The following UACA variants were observed in gnomAD, a reference collection of about 807,000 sequenced individuals.
The protein encoded by UACA is nuclear membrane binding protein.
A neutral mutation model predicts 160.5 loss-of-function variants in UACA; 112 were observed. The ratio of observed to expected loss-of-function variants is 0.70; its 90% CI spans 0.60 to 0.82. The LOEUF is 0.82. Ranked by LOEUF, UACA falls within the 40% of genes least tolerant of loss-of-function variation. UACA has a pLI of 0.00. For synonymous variants in UACA, 557 were observed against 568.4 expected, an observed-to-expected ratio of 0.98 and a Z score of 0.29; for missense variants, 1,574 against 1,614.6, an observed-to-expected ratio of 0.97 and a Z score of 0.43.
Position 70,664,812 on chromosome 15 carries a change from T to C in UACA, c.3963A>G (p.Ile1321Met). The change falls in exon 17 of 19, where the codon ATA (isoleucine) becomes ATG (methionine). Residue 1321 changes from isoleucine (I) to methionine (M), a missense_variant and splice_region_variant. Transcript: ENST00000322954. ...TTTCCACATCATTAAGCAGTTCAGT[T>C]ATCTTTAAAAAAATGTTGTAGGAGA... ...AKQIEAKDNK[I>M]TELLNDVERL... 6.2e-7 allele frequency: 1 copy of C among 1,608,744 alleles called. No homozygotes were observed. Among genetic ancestry groups the C allele is most frequent in the Non-Finnish European group, 8.5e-7 (1 of 1,178,134 alleles).
intron 1 of UACA, among the ~76,000 whole-genome samples, chr15:70,738,536 T>TG (rs1192643862): frequency 6.6e-6 from 1 of 152,150 alleles, no homozygotes. Context: ...CACCCATACA[T>TG]GATCCAGACC....
the UACA span, among the ~76,000 whole-genome samples, chr15:70,772,078 A>G: frequency 6.6e-6 from 1 of 152,220 alleles, no homozygotes; most frequent in South Asian, 2.1e-4. Context: ...GAGATAACTG[A>G]TCATAAACGA....
At chr15:70,708,498 T>C (rs573304188) in intron 1 of UACA, among the ~76,000 whole-genome samples, 3 of 151,846 alleles carry the variant, frequency 2.0e-5, no homozygotes, top group Non-Finnish European at 4.4e-5. Context: ...GTTTGTTCTG[T>C]CACCCAGGCT....
intron 1 of UACA, among the ~76,000 whole-genome samples, chr15:70,725,256 T>C (rs935800942): frequency 2.6e-5 from 4 of 152,186 alleles, no homozygotes; most frequent in Non-Finnish European, 5.9e-5. Flanking sequence ...AAAATAGAGT[T>C]TAAAATATAG....
intron 8 of UACA, 110 bp downstream of exon 8, chr15:70,684,155 T>A: frequency 1.1e-6 from 1 of 899,158 alleles, no homozygotes; most frequent in Non-Finnish European, 1.7e-6. Flanking sequence ...ATACTGTTTA[T>A]CAGTAAGGAA....
At chr15:70,696,134 T>C (rs1282184206) in intron 2 of UACA, among the ~76,000 whole-genome samples, 1 of 152,198 alleles carries the variant, frequency 6.6e-6, no homozygotes, top group Non-Finnish European at 1.5e-5. Context: ...TACACTCTTG[T>C]AGCCCACTCT....
Position 70,721,190 on chromosome 15 carries a change from C to T in UACA, c.79-21530G>A, listed in dbSNP as rs116805597. On this transcript the variant is annotated intron_variant, in intron 1 of 18. Transcript: ENST00000322954. ...ATATAGTGTGAGATGCCTTAGGTGG[C>T]AAAATGAGTACAGTTAGTGAGGTAA... Among the ~76,000 whole-genome samples the T allele has an allele frequency of 5.5e-3, 841 of 152,242 alleles. 8 individuals carry two copies. Among genetic ancestry groups the T allele is most frequent in the African/African-American group, 0.019 (799 of 41,536 alleles).
Position 70,667,506 on chromosome 15 carries a change from C to T in UACA, c.3178G>A (p.Ala1060Thr), listed in dbSNP as rs1255352641. ...LIEKSHEMER[A>T]LSRKTDELNK... is the part of the protein sequence containing the mutation. ...AGCTCGTCTGTTTTTCTGCTTAATG[C>T]TCTTTCCATTTCATGAGACTTCTCA... The change falls in exon 16 of 19, where the codon GCA becomes ACA. Residue 1060 changes from alanine to threonine, a missense_variant. Coordinates refer to ENST00000322954, the MANE Select transcript of UACA (RefSeq NM_018003.4). 2 of 1,612,454 alleles carry T rather than the reference C, an allele frequency of 1.2e-6. No individual in the cohort carries two copies. Among genetic ancestry groups the T allele is most frequent in the Admixed American group, 1.7e-5 (1 of 59,862 alleles).
intron 1 of UACA, among the ~76,000 whole-genome samples, chr15:70,717,827 G>T (rs1413693596): frequency 6.6e-6 from 1 of 152,082 alleles, no homozygotes; most frequent in African/African-American, 2.4e-5. Flanking sequence ...TCTATAATCA[G>T]TTGAGATTAC....
chr15:70,721,750 T>A (rs1370059661), intron 1 of UACA, among the ~76,000 whole-genome samples: 1 of 152,118 alleles, frequency 6.6e-6, no homozygotes, highest in Non-Finnish European at 1.5e-5. Flanking sequence ...AAAAGAAACT[T>A]AGAGTAAGTT....
intron 16 of UACA, among the ~76,000 whole-genome samples, chr15:70,666,506 A>G (rs552943447): frequency 9.9e-5 from 15 of 152,184 alleles, no homozygotes; most frequent in Non-Finnish European, 2.1e-4. Flanking sequence ...TCGTTCCTGA[A>G]TTCTTGGCTA....
chr15:70,691,189 CAA>C, intron 4 of UACA, 108 bp downstream of exon 4: 1 of 710,854 alleles, frequency 1.4e-6, no homozygotes, highest in Non-Finnish European at 2.3e-6. Context: ...AGCTCATAGT[CAA>C]AGTTAGTTTA....
rs1386611252 is a variant in UACA, at chr15:70,678,098, C to T, written c.999+1G>A. 1 of 1,575,542 alleles carries T rather than the reference C, an allele frequency of 6.3e-7. No homozygotes were observed. Among genetic ancestry groups the T allele is most frequent in the South Asian group, 1.2e-5 (1 of 85,986 alleles). On this transcript the variant is annotated splice_donor_variant, in intron 11 of 18. Coordinates refer to ENST00000322954, the MANE Select transcript of UACA (RefSeq NM_018003.4). LOFTEE classifies it high-confidence loss of function. ...TTTTTCTATTATGCAGATTTATTTACCTCATTCAGCTGTAACTGTAAACCA... is the reference window on the plus strand; with the variant it reads ...TTTTTCTATTATGCAGATTTATTTATCTCATTCAGCTGTAACTGTAAACCA...
intron 18 of UACA, among the ~76,000 whole-genome samples, chr15:70,658,995 T>C (rs939690236): frequency 1.1e-4 from 17 of 152,330 alleles, no homozygotes; most frequent in African/African-American, 4.1e-4. Context: ...CTTGTTAGTT[T>C]GCTGTATTTT....
rs1228452639 is a variant in UACA, at chr15:70,667,361, T to C, written c.3323A>G (p.Gln1108Arg). Reference sequence around the variant, plus strand: ...CTGTTCCAATGGAACATGTTGTTTTTGCAAAAGATTTTGCACTGCAAGTAT... The same window carrying C: ...CTGTTCCAATGGAACATGTTGTTTTCGCAAAAGATTTTGCACTGCAAGTAT... ...SEILAVQNLL[Q>R]KQHVPLEQVE... Residue 1108 changes from glutamine (Q) to arginine (R), a missense_variant, in exon 16 of 19, where the codon CAA becomes CGA. Gln to Arg is a conservative substitution (Grantham distance 43, BLOSUM62 1). Coordinates refer to ENST00000322954, the MANE Select transcript of UACA (RefSeq NM_018003.4). 6.2e-7 allele frequency: 1 copy of C among 1,613,072 alleles called. No individual in the cohort carries two copies. The highest frequency in any genetic ancestry group is 8.5e-7 in the Non-Finnish European group (1 of 1,179,902).
At position 70,685,814 on chromosome 15, in the gene UACA, G is replaced by A. The variant is rs971228660; in HGVS notation, c.603-1368C>T. Among the ~76,000 whole-genome samples, 14 of 151,444 alleles carry A rather than the reference G, an allele frequency of 9.2e-5. No homozygotes were observed. The South Asian group carries it at 2.3e-3, about 25-fold the overall frequency. On this transcript the variant is annotated intron_variant, in intron 7 of 18. Coordinates refer to ENST00000322954, the MANE Select transcript of UACA (RefSeq NM_018003.4). ...TTTTTTTTTTTGAGACAAGAGTCTCGCTCTGTTGCCAGCGCAGTGGCATGA... is the reference window on the plus strand; with the variant it reads ...TTTTTTTTTTTGAGACAAGAGTCTCACTCTGTTGCCAGCGCAGTGGCATGA...
intron 1 of UACA, among the ~76,000 whole-genome samples, chr15:70,707,778 A>C (rs1837432645): frequency 6.6e-6 from 1 of 152,174 alleles, no homozygotes; most frequent in Admixed American, 6.5e-5. Context: ...GAAAAGAACA[A>C]GTGTTAGCAA....
chr15:70,759,279 T>A (rs1050383657), intron 1 of UACA, among the ~76,000 whole-genome samples: 4 of 152,208 alleles, frequency 2.6e-5, no homozygotes. Flanking sequence ...GAACACACAA[T>A]TAACCAGATC....
the UACA span, among the ~76,000 whole-genome samples, chr15:70,777,973 C>T: frequency 6.6e-6 from 1 of 152,078 alleles, no homozygotes; most frequent in Non-Finnish European, 1.5e-5. Flanking sequence ...TTTGTCTCCC[C>T]CAATAAATTG....
Sources: allele counts gnomAD v4.1 joint callset (sites outside exome capture counted in the v4.1 genomes callset), GRCh38; gene constraint gnomAD v4.1.1; transcripts MANE v1.5; gene names NCBI Gene and HGNC (gene_info 2026-07-23, HGNC 2026-07-21).